The following ATAD1 variants were observed in gnomAD, a reference collection of about 807,000 sequenced individuals.
ATAD1 encodes ATPase family AAA domain containing 1.
ATAD1 carries 18 observed loss-of-function variants against 42.7 expected under a neutral mutation model. The ratio of observed to expected loss-of-function variants is 0.42; its 90% CI spans 0.29 to 0.63. The LOEUF (loss-of-function observed/expected upper bound fraction) is 0.63. Ranked by LOEUF, ATAD1 falls within the 20% of genes least tolerant of loss-of-function variation. ATAD1 has a pLI of 0.19. For missense variants in ATAD1, 294 were observed against 440.4 expected (o/e 0.67, Z 2.98); for synonymous variants, 132 against 143.1 (o/e 0.92, Z 0.55).
chr10:87,818,278 G>A (rs546887866), upstream of ATAD1: 4 of 985,028 alleles, frequency 4.1e-6, no homozygotes, highest in African/African-American at 5.2e-5. Context: ...CCCTCCCACG[G>A]AGCATGCGCG....
chr10:87,756,044 T>C (rs555503340), intron 9 of ATAD1, among the ~76,000 whole-genome samples: 8 of 152,312 alleles, frequency 5.3e-5, no homozygotes, highest in African/African-American at 1.7e-4. Flanking sequence ...AAAACATTTT[T>C]TTGCTGAAGT....
chr10:87,761,482 C>T (rs1027499471), intron 8 of ATAD1, among the ~76,000 whole-genome samples: 14 of 151,822 alleles, frequency 9.2e-5, no homozygotes, highest in Admixed American at 8.5e-4. Flanking sequence ...GGCAACATGG[C>T]GAAACCCCAT....
chr10:87,760,244 A>AG (rs1020258534), intron 8 of ATAD1, among the ~76,000 whole-genome samples: 2 of 152,096 alleles, frequency 1.3e-5, no homozygotes, highest in African/African-American at 4.8e-5. Flanking sequence ...TCCCAGTGTT[A>AG]GGGGGAGGGA....
At chr10:87,805,228 T>C (rs1285123046) in intron 2 of ATAD1, among the ~76,000 whole-genome samples, 1 of 152,234 alleles carries the variant, frequency 6.6e-6, no homozygotes, top group East Asian at 1.9e-4. Flanking sequence ...TTGCCTTTAA[T>C]GTGTATTCTA....
chr10:87,832,727 C>T, intron 1 of ATAD1: 1 of 151,968 alleles, frequency 6.6e-6, no homozygotes, highest in South Asian at 2.1e-4. Context: ...CTATATTTTA[C>T]AAATTTGTTT....
chr10:87,827,702 T>G (rs908356586), intron 1 of ATAD1, among the ~76,000 whole-genome samples: 3 of 152,148 alleles, frequency 2.0e-5, no homozygotes, highest in African/African-American at 4.8e-5. Flanking sequence ...CCTGTCCCTA[T>G]CCCTCTCCTC....
At chr10:87,760,373 C>T (rs1403217393) in intron 8 of ATAD1, among the ~76,000 whole-genome samples, 1 of 152,136 alleles carries the variant, frequency 6.6e-6, no homozygotes, top group African/African-American at 2.4e-5. Context: ...TTCACTCTCT[C>T]CCACTCCTGC....
intron 4 of ATAD1, among the ~76,000 whole-genome samples, chr10:87,786,386 T>G (rs1221722089): frequency 6.6e-6 from 1 of 152,258 alleles, no homozygotes; most frequent in African/African-American, 2.4e-5. Flanking sequence ...TTGATTCAAA[T>G]TATTCATCTA....
chr10:87,802,162 T>C (rs893887750), intron 2 of ATAD1, among the ~76,000 whole-genome samples: 17 of 152,178 alleles, frequency 1.1e-4, no homozygotes, highest in Admixed American at 6.5e-5. Context: ...TTTTCATTTG[T>C]AACAGGACAC....
intron 1 of ATAD1, among the ~76,000 whole-genome samples, chr10:87,829,317 G>A (rs542621369): frequency 7.9e-5 from 12 of 151,560 alleles, no homozygotes; most frequent in East Asian, 3.9e-4. Context: ...GTGTAGTGGC[G>A]TGATCTTGGC....
intron 1 of ATAD1, among the ~76,000 whole-genome samples, chr10:87,838,750 C>T (rs1189697631): frequency 1.3e-5 from 2 of 152,118 alleles, no homozygotes; most frequent in African/African-American, 2.4e-5. Flanking sequence ...CTCTCTCTCT[C>T]TCTCTCTCTC....
chr10:87,836,908 T>A (rs544578220), intron 1 of ATAD1, among the ~76,000 whole-genome samples: 1 of 152,234 alleles, frequency 6.6e-6, no homozygotes, highest in Non-Finnish European at 1.5e-5. Flanking sequence ...TAATTTCTGT[T>A]GCCTCATCTT....
chr10:87,787,013 A>C (rs979838428), intron 4 of ATAD1, among the ~76,000 whole-genome samples: 1 of 152,134 alleles, frequency 6.6e-6, no homozygotes, highest in Non-Finnish European at 1.5e-5. Flanking sequence ...ATTATCAGTG[A>C]GTCTAGAGAT....
intron 5 of ATAD1, among the ~76,000 whole-genome samples, chr10:87,778,995 C>A (rs1855446831): frequency 6.6e-6 from 1 of 152,112 alleles, no homozygotes; most frequent in Non-Finnish European, 1.5e-5. Context: ...AAAGCATGAT[C>A]CATCAAAAAT....
intron 8 of ATAD1, among the ~76,000 whole-genome samples, chr10:87,762,630 A>G (rs1854535534): frequency 6.6e-6 from 1 of 151,376 alleles, no homozygotes; most frequent in African/African-American, 2.4e-5. Context: ...ATGTCCAGCT[A>G]ATTTTTTTTG....
At chr10:87,812,241 G>A (rs543553288) in intron 2 of ATAD1, among the ~76,000 whole-genome samples, 1 of 152,138 alleles carries the variant, frequency 6.6e-6, no homozygotes, top group East Asian at 1.9e-4. Context: ...AATGAGTTAA[G>A]CCTACAGAAG....
intron 2 of ATAD1, among the ~76,000 whole-genome samples, chr10:87,799,696 GAT>G (rs1309230250): frequency 6.6e-6 from 1 of 151,798 alleles, no homozygotes; most frequent in African/African-American, 2.4e-5. Flanking sequence ...AATGCAATGG[GAT>G]AATTGTAGAC....
chr10:87,784,724 T>C, intron 4 of ATAD1, 54 bp from the exon 5 acceptor site: 2 of 1,508,182 alleles, frequency 1.3e-6, no homozygotes, highest in Non-Finnish European at 1.8e-6. Context: ...CTTCAATTTA[T>C]ATGATAATCA....
At chr10:87,838,997 A>G (rs1857980644) in intron 1 of ATAD1, among the ~76,000 whole-genome samples, 1 of 152,202 alleles carries the variant, frequency 6.6e-6, no homozygotes, top group Admixed American at 6.5e-5. Context: ...ATATTGCCTC[A>G]TTCTTCCCAA....
Sources: allele counts gnomAD v4.1 joint callset (sites outside exome capture counted in the v4.1 genomes callset), GRCh38; gene constraint gnomAD v4.1.1; transcripts MANE v1.5; gene names NCBI Gene and HGNC (gene_info 2026-07-23, HGNC 2026-07-21).